Variants in MICU1 observed in about 807,000 individuals in gnomAD.
MICU1 encodes the protein mitochondrial calcium uptake 1, also known as calcium uptake protein 1, mitochondrial.
MICU1 carries 45 observed loss-of-function variants against 56.8 expected under a neutral mutation model. That is an observed-to-expected ratio of 0.79 (90% CI 0.62 to 1.02). MICU1 has a LOEUF of 1.02. MICU1 is among the 50% of genes least tolerant of loss of function. The pLI, the probability that MICU1 is intolerant of heterozygous loss-of-function variation, is 0.00. For missense variants in MICU1, 504 were observed against 587.1 expected (o/e 0.86, Z 1.46); for synonymous variants, 186 against 195.1 (o/e 0.95, Z 0.39).
In MICU1 at chr10:72,406,970, A is replaced by G. The variant is rs1054191106; in HGVS notation, c.1180+959T>C. 5.9e-5 allele frequency among the ~76,000 whole-genome samples: 9 copies of G among 152,188 alleles called. 1 individual carries two copies. The South Asian group carries it at 1.9e-3, about 32-fold the overall frequency. On this transcript the variant is annotated intron_variant, in intron 10 of 11. Transcript: ENST00000361114. Reference sequence around the variant, plus strand: ...ACTACTCATCATAAAAAAGGATTAAACTACTGACACACAACGGAGATGGAT... The same window carrying G: ...ACTACTCATCATAAAAAAGGATTAAGCTACTGACACACAACGGAGATGGAT...
intron 8 of MICU1, among the ~76,000 whole-genome samples, chr10:72,427,119 C>T (rs1317250665): frequency 2.0e-5 from 3 of 152,170 alleles, no homozygotes; most frequent in South Asian, 2.1e-4. Flanking sequence ...ATTGTTTTTC[C>T]GTGTCTAGGA....
chr10:72,419,804 G>GT (rs1864095912), intron 9 of MICU1, among the ~76,000 whole-genome samples: 1 of 152,130 alleles, frequency 6.6e-6, no homozygotes, highest in Non-Finnish European at 1.5e-5. Flanking sequence ...TTAGTCTCAA[G>GT]TTTTCCATCT....
At chr10:72,582,393 T>C (rs1840923136) in intron 1 of MICU1, among the ~76,000 whole-genome samples, 1 of 152,202 alleles carries the variant, frequency 6.6e-6, no homozygotes, top group African/African-American at 2.4e-5. Context: ...AGACATAGTC[T>C]TTGCCCACTA....
intron 8 of MICU1, among the ~76,000 whole-genome samples, chr10:72,454,782 CAAAA>C (rs10591892): frequency 2.5e-5 from 3 of 119,048 alleles, no homozygotes; most frequent in African/African-American, 3.1e-5. Flanking sequence ...AACTCCATCT[CAAAA>C]AAAAAAAAAA....
At chr10:72,406,216 C>T (rs1198512524) in intron 10 of MICU1, among the ~76,000 whole-genome samples, 1 of 151,706 alleles carries the variant, frequency 6.6e-6, no homozygotes, top group Admixed American at 6.6e-5. Context: ...AAAATAAAAC[C>T]AATTCCATTT....
intron 8 of MICU1, among the ~76,000 whole-genome samples, chr10:72,441,567 G>T (rs972372536): frequency 3.2e-4 from 42 of 129,298 alleles, no homozygotes; most frequent in Non-Finnish European, 6.1e-4. Context: ...AAAAAAAAAA[G>T]AAATAAAAAA....
intron 9 of MICU1, 56 bp from the exon 10 acceptor site, chr10:72,408,093 T>C (rs1225212208): frequency 6.5e-6 from 7 of 1,074,214 alleles, no homozygotes; most frequent in Non-Finnish European, 9.9e-6. Flanking sequence ...AGCAGCACGA[T>C]ATGCATAGGC....
intron 6 of MICU1, among the ~76,000 whole-genome samples, chr10:72,484,756 C>T (rs1190059793): frequency 6.6e-6 from 1 of 152,134 alleles, no homozygotes; most frequent in Non-Finnish European, 1.5e-5. Context: ...CCCTCTCTAC[C>T]TCCCCACTTC....
At chr10:72,451,867 T>C (rs1320405563) in intron 8 of MICU1, among the ~76,000 whole-genome samples, 1 of 151,838 alleles carries the variant, frequency 6.6e-6, no homozygotes, top group Non-Finnish European at 1.5e-5. Flanking sequence ...TAGTTAGATA[T>C]TTTCTTTCTT....
rs146325775 is a variant in MICU1 at position 72,409,761 on chromosome 10, T to C, written c.1072-1724A>G. On this transcript the variant is annotated intron_variant, in intron 9 of 11. Transcript: ENST00000361114. ...TCTTTTATAATTTTTTTCCTTAGAA[T>C]CATAGAACTTAAAAAACTTTATTGT... Among the ~76,000 whole-genome samples the C allele has an allele frequency of 3.2e-3, 492 of 152,310 alleles. 4 individuals carry two copies. Among genetic ancestry groups the C allele is most frequent in the African/African-American group, 0.011 (462 of 41,568 alleles).
intron 8 of MICU1, among the ~76,000 whole-genome samples, chr10:72,433,315 C>A (rs1361201583): frequency 6.6e-6 from 1 of 151,190 alleles, no homozygotes; most frequent in Non-Finnish European, 1.5e-5. Context: ...ACAATCTCAG[C>A]TCATCACTGC....
chr10:72,578,292 C>A lies in MICU1; in HGVS notation c.-1-11498G>T, dbSNP rs1330363439. On this transcript the variant is annotated intron_variant, in intron 1 of 11. Transcript: ENST00000361114. ...TTTTTTTTTGAGATGGAGTCTCACTCTATCACCCAAGTTGGAGTGCAGTGG... is the reference window on the plus strand; with the variant it reads ...TTTTTTTTTGAGATGGAGTCTCACTATATCACCCAAGTTGGAGTGCAGTGG... Among the ~76,000 whole-genome samples the A allele has an allele frequency of 2.6e-5, 4 of 152,166 alleles. No homozygotes were observed. In the East Asian group the frequency reaches 7.7e-4, roughly 29 times the overall value.
intron 1 of MICU1, among the ~76,000 whole-genome samples, chr10:72,576,169 G>A (rs529274781): frequency 4.9e-5 from 7 of 143,890 alleles, no homozygotes; most frequent in South Asian, 2.2e-4. Flanking sequence ...AGCTGAGATC[G>A]TGCCACTGCA....
intron 8 of MICU1, among the ~76,000 whole-genome samples, chr10:72,441,548 A>AT (rs201587967): frequency 7.4e-6 from 1 of 135,138 alleles, no homozygotes; most frequent in African/African-American, 3.3e-5. Context: ...AACTTAAATT[A>AT]TTTAAAAAAA....
intron 4 of MICU1, among the ~76,000 whole-genome samples, chr10:72,544,317 C>T (rs961364725): frequency 6.6e-6 from 1 of 152,162 alleles, no homozygotes; most frequent in African/African-American, 2.4e-5. Flanking sequence ...AAAGCTCTTC[C>T]TTCTTTAACC....
At chr10:72,558,466 G>A (rs1214940368) in intron 3 of MICU1, among the ~76,000 whole-genome samples, 1 of 152,142 alleles carries the variant, frequency 6.6e-6, no homozygotes, top group Admixed American at 6.5e-5. Context: ...TGCAGAAAAG[G>A]AGGCATGAAC....
rs887845755 is a variant in MICU1, at chr10:72,415,788, A to C, written c.1071+7446T>G. Among the ~76,000 whole-genome samples the C allele has an allele frequency of 3.9e-5, 6 of 152,266 alleles. No individual in the cohort carries two copies. The East Asian group carries it at 1.2e-3, about 29-fold the overall frequency. Reference sequence around the variant, plus strand: ...TTCCCTAAAAACTTGTGCTTATTTAAACCATGGAGAATAAGGAGTGGCAAC... The same window carrying C: ...TTCCCTAAAAACTTGTGCTTATTTACACCATGGAGAATAAGGAGTGGCAAC... On this transcript the variant is annotated intron_variant, in intron 9 of 11. Coordinates refer to ENST00000361114, the MANE Select transcript of MICU1 (RefSeq NM_001195518.2).
chr10:72,563,371 G>C (rs1840347258), intron 2 of MICU1, among the ~76,000 whole-genome samples: 1 of 152,170 alleles, frequency 6.6e-6, no homozygotes, highest in Admixed American at 6.5e-5. Context: ...GGTATATACA[G>C]ATAATGGAAT....
intron 10 of MICU1, among the ~76,000 whole-genome samples, chr10:72,378,870 A>G (rs576612571): frequency 6.6e-6 from 1 of 152,308 alleles, no homozygotes; most frequent in Admixed American, 6.5e-5. Context: ...AGCACAAAGA[A>G]GGGTTTATTG....
Sources: allele counts gnomAD v4.1 joint callset (sites outside exome capture counted in the v4.1 genomes callset), GRCh38; gene constraint gnomAD v4.1.1; transcripts MANE v1.5; gene names NCBI Gene and HGNC (gene_info 2026-07-23, HGNC 2026-07-21).